Variants in INPP5D observed in about 807,000 individuals in gnomAD.
INPP5D encodes phosphatidylinositol 3,4,5-trisphosphate 5-phosphatase 1.
Under a neutral mutation model 122.9 loss-of-function variants are expected in INPP5D, and 33 were observed. The ratio of observed to expected loss-of-function variants is 0.27; its 90% CI spans 0.20 to 0.36. The LOEUF is 0.36. Ranked by LOEUF, INPP5D falls within the 10% of genes least tolerant of loss-of-function variation. The pLI is 1.00. For synonymous variants in INPP5D, 584 were observed against 576.2 expected (o/e 1.01, Z -0.19); for missense variants, 1,053 against 1,412.7 (o/e 0.75, Z 4.08).
chr2:233,097,311 GC>G (rs1559289130), intron 2 of INPP5D, among the ~76,000 whole-genome samples: 1 of 152,128 alleles, frequency 6.6e-6, no homozygotes. Flanking sequence ...GTCCTTGCTT[GC>G]CATGCATTTT....
intron 5 of INPP5D, chr2:233,130,930 C>T (rs1693308115): frequency 5.2e-6 from 3 of 579,682 alleles, no homozygotes; most frequent in South Asian, 3.1e-5. Flanking sequence ...ATGGCCAGCC[C>T]TTTCTCACTT....
intron 13 of INPP5D, among the ~76,000 whole-genome samples, chr2:233,165,363 T>A (rs1694302323): frequency 6.6e-6 from 1 of 151,874 alleles, no homozygotes; most frequent in South Asian, 2.1e-4. Context: ...AGTGTCTGTA[T>A]GTGTGAGTCC....
chr2:233,125,683 C>T (rs1372455789), intron 3 of INPP5D, 62 bp from the exon 4 acceptor site: 23 of 1,468,686 alleles, frequency 1.6e-5, no homozygotes, highest in East Asian at 7.0e-5. Context: ...CATGGGGCTG[C>T]GGTGAAGGCC....
chr2:233,123,779 T>C (rs931351650), intron 3 of INPP5D, among the ~76,000 whole-genome samples: 2 of 152,216 alleles, frequency 1.3e-5, no homozygotes, highest in South Asian at 2.1e-4. Flanking sequence ...TGGAATACTA[T>C]GCAGCCAGTA....
intron 1 of INPP5D, among the ~76,000 whole-genome samples, chr2:233,064,495 C>T (rs989069508): frequency 2.6e-5 from 4 of 152,250 alleles, no homozygotes; most frequent in Non-Finnish European, 2.9e-5. Context: ...CAGGCAACTT[C>T]CAAAGAGCTC....
intron 9 of INPP5D, among the ~76,000 whole-genome samples, chr2:233,152,183 A>C (rs1378337204): frequency 4.6e-5 from 7 of 152,164 alleles, no homozygotes; most frequent in Non-Finnish European, 1.5e-5. Context: ...TAATGGGGTA[A>C]GGTGTGTCCT....
At chr2:233,161,972 C>G in intron 11 of INPP5D, 146 bp downstream of exon 11, 1 of 1,291,846 alleles carries the variant, frequency 7.7e-7, no homozygotes, top group Non-Finnish European at 1.0e-6. Flanking sequence ...AGCCCACCCG[C>G]ACAACCTCCT....
chr2:233,147,182 A>G (rs376597575), intron 8 of INPP5D, among the ~76,000 whole-genome samples: 3 of 152,228 alleles, frequency 2.0e-5, no homozygotes, highest in Non-Finnish European at 4.4e-5. Flanking sequence ...CAAAGTCATC[A>G]GTGAATGAAC....
At chr2:233,080,589 T>C (rs1242394523) in intron 2 of INPP5D, among the ~76,000 whole-genome samples, 1 of 152,072 alleles carries the variant, frequency 6.6e-6, no homozygotes, top group East Asian at 1.9e-4. Context: ...GGAAGAGCAA[T>C]GACGGCGTTG....
rs943263703 is a variant in INPP5D at position 233,183,215 on chromosome 2, C to T, written c.2161+716C>T. 6.6e-6 allele frequency among the ~76,000 whole-genome samples: 1 copy of T among 152,204 alleles called. No individual in the cohort carries two copies. Among genetic ancestry groups the T allele is most frequent in the Non-Finnish European group, 1.5e-5 (1 of 68,036 alleles). ...CTAGGTGACCAGGGAGCCATGTTGT[C>T]TCTGCCCAGTCTCTGCTTCCGCGGT... On this transcript the variant is annotated intron_variant, in intron 19 of 26. Coordinates refer to ENST00000445964, the MANE Select transcript of INPP5D (RefSeq NM_001017915.3). This position sits in a 1 kb window ranked among gnomAD's most constrained non-coding sequence, Gnocchi z 4.6.
intron 6 of INPP5D, chr2:233,145,848 A>C: frequency 1.9e-6 from 1 of 520,412 alleles, no homozygotes. Flanking sequence ...CAGCAGGTGT[A>C]GGAGGGAGGA....
intron 18 of INPP5D, among the ~76,000 whole-genome samples, chr2:233,180,048 C>T (rs1694744272): frequency 6.6e-6 from 1 of 152,158 alleles, no homozygotes; most frequent in East Asian, 1.9e-4. Context: ...AGGGGTGGTA[C>T]TCATCATCCA....
intron 6 of INPP5D, chr2:233,145,359 T>A (rs970120182): frequency 4.4e-6 from 2 of 456,074 alleles, no homozygotes; most frequent in Non-Finnish European, 8.8e-6. Flanking sequence ...GACACTGTTC[T>A]GAGCCCCAGT....
At chr2:233,158,878 A>C (rs1694126962) in intron 10 of INPP5D, among the ~76,000 whole-genome samples, 3 of 152,092 alleles carry the variant, frequency 2.0e-5, no homozygotes. Context: ...TCCTGGGCTC[A>C]AGGGATCCCC....
intron 11 of INPP5D, among the ~76,000 whole-genome samples, chr2:233,163,319 A>G (rs947319292): frequency 1.3e-5 from 2 of 152,088 alleles, no homozygotes; most frequent in Non-Finnish European, 2.9e-5. Flanking sequence ...TCTCCCAACA[A>G]TGGGTTAGAA....
intron 17 of INPP5D, among the ~76,000 whole-genome samples, chr2:233,173,208 CAA>C (rs199492575): frequency 0.017 from 1,746 of 100,000 alleles, 32 homozygotes; most frequent in African/African-American, 0.051. Context: ...GACTGTGTCT[CAA>C]AAAAAAAAAA....
chr2:233,063,949 T>A lies in INPP5D; in HGVS notation c.134+3337T>A, dbSNP rs1345625254. Among the ~76,000 whole-genome samples, 82 of 152,170 alleles carry A rather than the reference T, an allele frequency of 5.4e-4. 2 individuals are homozygous for A. The highest frequency in any genetic ancestry group is 5.4e-3 in the Admixed American group (82 of 15,282). ...ATTAAGAGCTGTCAGGCTCATGCCC[T>A]CTCCTGCCACGCAGGGGCCAGCACA... On this transcript the variant is annotated intron_variant, in intron 1 of 26. Coordinates refer to ENST00000445964, the MANE Select transcript of INPP5D (RefSeq NM_001017915.3).
At chr2:233,179,004 C>T (rs1019386363) in intron 18 of INPP5D, among the ~76,000 whole-genome samples, 1 of 152,212 alleles carries the variant, frequency 6.6e-6, no homozygotes, top group African/African-American at 2.4e-5. Flanking sequence ...TCTCCTCCTA[C>T]TGCCCAGAAG....
chr2:233,197,473 C>T lies in INPP5D; in HGVS notation c.2694-622C>T, dbSNP rs1285465480. On this transcript the variant is annotated intron_variant, in intron 24 of 26. Coordinates refer to ENST00000445964, the MANE Select transcript of INPP5D (RefSeq NM_001017915.3). The surrounding 1 kb of genome is among the most constrained non-coding windows in gnomAD (Gnocchi z 4.4). ...CTCCTTCCTGCCACCCAGGCTACCC[C>T]CCCACCATCTCTCTGCCCTGCCAGC... is the stretch of plus-strand genomic sequence containing the variant. 2.0e-5 allele frequency among the ~76,000 whole-genome samples: 3 copies of T among 152,148 alleles called. No individual in the cohort carries two copies. The highest frequency in any genetic ancestry group is 7.2e-5 in the African/African-American group (3 of 41,420).
Sources: gnomAD v4.1 joint callset for allele counts (sites outside exome capture counted in the v4.1 genomes callset) on GRCh38, gnomAD v4.1.1 for gene constraint, Gnocchi (gnomAD v3.1) non-coding constraint, MANE v1.5 for transcripts, NCBI Gene and HGNC (gene_info 2026-07-23, HGNC 2026-07-21) for gene names.